The following CIMIP2B variants were observed in gnomAD, a reference collection of about 807,000 sequenced individuals.
The protein encoded by CIMIP2B is ciliary microtubule inner protein 2B, also known as family with sequence similarity 166 member B.
chr9:35,562,760 A>G, the CIMIP2B span: 1 of 1,611,132 alleles, frequency 6.2e-7, no homozygotes, highest in Non-Finnish European at 8.5e-7. Context: ...CTGACAATCA[A>G]GTGCACATCC....
the CIMIP2B span, chr9:35,561,832 C>G: frequency 1.7e-6 from 1 of 604,042 alleles, no homozygotes; most frequent in South Asian, 2.1e-5. Flanking sequence ...GCCCAGGCGT[C>G]TGTTTATGTA....
the CIMIP2B span, chr9:35,562,523 G>A: frequency 1.3e-6 from 2 of 1,576,452 alleles, no homozygotes; most frequent in Non-Finnish European, 1.7e-6. Context: ...GGTGAGCACA[G>A]GAAAGCTGGA....
chr9:35,563,258 C>G, the CIMIP2B span: 1 of 1,613,930 alleles, frequency 6.2e-7, no homozygotes, highest in Non-Finnish European at 8.5e-7. Context: ...TCTTGGAGGC[C>G]GAATGGGAGG....
chr9:35,562,997 G>A, the CIMIP2B span: 5 of 1,613,838 alleles, frequency 3.1e-6, no homozygotes, highest in East Asian at 2.2e-5. Context: ...TGCTTTTCAT[G>A]CAAGTGAGTA....
At chr9:35,562,251 A>T in the CIMIP2B span, 1 of 1,060,834 alleles carries the variant, frequency 9.4e-7, no homozygotes, top group Non-Finnish European at 1.3e-6. Context: ...GCCTGATAAT[A>T]AAGCTGAACC....
At chr9:35,563,480 G>A in the CIMIP2B span, 5 of 1,005,708 alleles carry the variant, frequency 5.0e-6, no homozygotes, top group African/African-American at 1.6e-5. Context: ...TGATCTTTCT[G>A]GACTCAGCAG....
At chr9:35,562,348 GTCCCCAAAGCCT>G in the CIMIP2B span, 8 of 1,381,400 alleles carry the variant, frequency 5.8e-6, no homozygotes, top group Admixed American at 1.2e-4. Context: ...AAACATTCCA[GTCCCCAAAGCCT>G]CCCCGGGGGC....
At chr9:35,563,837 G>A in the CIMIP2B span, 240 of 1,613,508 alleles carry the variant, frequency 1.5e-4, no homozygotes, top group Non-Finnish European at 1.8e-4. Context: ...ATGGGGAGCC[G>A]GGCATTTCCT....
the CIMIP2B span, chr9:35,563,714 C>T: frequency 6.5e-7 from 1 of 1,549,726 alleles, no homozygotes; most frequent in Non-Finnish European, 8.9e-7. Flanking sequence ...AATTCCTCCA[C>T]CCTATACCCC....
the CIMIP2B span, chr9:35,563,844 T>C: frequency 8.1e-6 from 13 of 1,613,422 alleles, no homozygotes; most frequent in Middle Eastern, 1.7e-4. Flanking sequence ...GCCGGGCATT[T>C]CCTTTTGTTT....
At chr9:35,562,286 T>TATTA in the CIMIP2B span, 2 of 1,142,090 alleles carry the variant, frequency 1.8e-6, no homozygotes, top group South Asian at 3.4e-5. Flanking sequence ...CTCCCATATC[T>TATTA]ATTAGTTTCA....
the CIMIP2B span, chr9:35,563,846 CTT>C: frequency 6.2e-7 from 1 of 1,613,168 alleles, no homozygotes; most frequent in Non-Finnish European, 8.5e-7. Flanking sequence ...CGGGCATTTC[CTT>C]TTGTTTGCCT....
At chr9:35,562,441 TGG>T in the CIMIP2B span, 1 of 1,575,368 alleles carries the variant, frequency 6.3e-7, no homozygotes, top group Non-Finnish European at 8.6e-7. Flanking sequence ...TTCTGGGAAG[TGG>T]GGGGAGATGT....
the CIMIP2B span, chr9:35,562,497 C>G: frequency 1.3e-6 from 2 of 1,577,670 alleles, no homozygotes; most frequent in Non-Finnish European, 1.7e-6. Flanking sequence ...TGCCCAAATT[C>G]CTGCAGTGCC....
chr9:35,562,268 TC>T, the CIMIP2B span: 1 of 1,079,124 alleles, frequency 9.3e-7, no homozygotes, highest in South Asian at 1.7e-5. Context: ...AACCACATGA[TC>T]TGAGCCCTCC....
At chr9:35,562,436 G>T in the CIMIP2B span, 1 of 1,572,502 alleles carries the variant, frequency 6.4e-7, no homozygotes, top group Non-Finnish European at 8.6e-7. Context: ...GTATGTTCTG[G>T]GAAGTGGGGG....
chr9:35,562,018 G>C, the CIMIP2B span: 5 of 1,421,876 alleles, frequency 3.5e-6, no homozygotes, highest in Non-Finnish European at 3.7e-6. Context: ...TAAGCCAAGA[G>C]CTGCTTCTGG....
At chr9:35,562,634 C>T in the CIMIP2B span, 28 of 1,612,490 alleles carry the variant, frequency 1.7e-5, no homozygotes, top group African/African-American at 3.5e-4. Flanking sequence ...CTGATCCTGA[C>T]CCCCCAGCTC....
the CIMIP2B span, chr9:35,562,434 TG>T: frequency 6.4e-7 from 1 of 1,571,862 alleles, no homozygotes; most frequent in East Asian, 2.3e-5. Context: ...GGGTATGTTC[TG>T]GGAAGTGGGG....
Sources: gnomAD v4.1 joint callset for allele counts on GRCh38, gnomAD v4.1.1 for gene constraint, MANE v1.5 for transcripts, NCBI Gene and HGNC (gene_info 2026-07-23, HGNC 2026-07-21) for gene names.